Variants in KLF12 observed in about 807,000 individuals in gnomAD.
KLF12 encodes KLF transcription factor 12.
Under a neutral mutation model 37.8 loss-of-function variants are expected in KLF12, and 9 were observed. The observed-to-expected ratio is 0.24, with a 90% CI of 0.14 to 0.42. The LOEUF is 0.42. Ranked by LOEUF, KLF12 falls within the 10% of genes least tolerant of loss-of-function variation. The pLI is 1.00. For missense variants in KLF12, 411 were observed against 516.0 expected, an observed-to-expected ratio of 0.80 and a Z score of 1.97; for synonymous variants, 208 against 202.1, an observed-to-expected ratio of 1.03 and a Z score of -0.25.
At chr13:74,299,308 T>C in the KLF12 span, among the ~76,000 whole-genome samples, 1 of 152,196 alleles carries the variant, frequency 6.6e-6, no homozygotes, top group Non-Finnish European at 1.5e-5. Context: ...AGGAAGCCAC[T>C]GGGAAATTCT....
intron 3 of KLF12, among the ~76,000 whole-genome samples, chr13:73,892,718 T>C (rs1887566863): frequency 6.6e-6 from 1 of 152,162 alleles, no homozygotes; most frequent in Non-Finnish European, 1.5e-5. Context: ...ATCTAAGTTA[T>C]TCTTTTTAGT....
intron 5 of KLF12, among the ~76,000 whole-genome samples, chr13:73,807,796 C>T (rs1594114481): frequency 6.6e-6 from 1 of 152,182 alleles, no homozygotes; most frequent in East Asian, 1.9e-4. Context: ...CTCCACCTTT[C>T]ACCCCACTCT....
intron 1 of KLF12, among the ~76,000 whole-genome samples, chr13:74,126,139 A>G (rs750553098): frequency 6.6e-6 from 1 of 152,246 alleles, no homozygotes; most frequent in African/African-American, 2.4e-5. Flanking sequence ...ACTATACATG[A>G]CATATAAGTT....
chr13:74,196,896 TAA>T, the KLF12 span, among the ~76,000 whole-genome samples: 1 of 152,228 alleles, frequency 6.6e-6, no homozygotes, highest in African/African-American at 2.4e-5. Flanking sequence ...TCTTTTTTAT[TAA>T]GTTAGTTTAA....
the KLF12 span, among the ~76,000 whole-genome samples, chr13:74,161,787 T>A: frequency 6.6e-6 from 1 of 152,182 alleles, no homozygotes; most frequent in Non-Finnish European, 1.5e-5. Flanking sequence ...TTAATTTTCA[T>A]TCCGCCTCAA....
chr13:74,003,624 T>C lies in KLF12; in HGVS notation c.-31-8571A>G, dbSNP rs7320368. Reference sequence around the variant, plus strand: ...ATTTTATGAAAAAATGACTAAGAATTATGTCATGTTCCACACGATTCTTGA... The same window carrying C: ...ATTTTATGAAAAAATGACTAAGAATCATGTCATGTTCCACACGATTCTTGA... On this transcript the variant is annotated intron_variant, in intron 1 of 7. Transcript: ENST00000377669. Among the ~76,000 whole-genome samples, 278 of 152,244 alleles carry C rather than the reference T, an allele frequency of 1.8e-3. 2 individuals are homozygous for C. The highest frequency in any genetic ancestry group is 6.3e-3 in the African/African-American group (262 of 41,546).
chr13:74,053,091 G>A (rs1272502466), intron 1 of KLF12, among the ~76,000 whole-genome samples: 2 of 152,144 alleles, frequency 1.3e-5, no homozygotes, highest in Non-Finnish European at 2.9e-5. Context: ...CTGGTTGTAT[G>A]TTGATAATGA....
rs540290662 is a variant in KLF12 at position 74,061,811 on chromosome 13, CAT to C, written c.-31-66760_-31-66759del. Among the ~76,000 whole-genome samples, 71 of 152,288 alleles carry C rather than the reference CAT, an allele frequency of 4.7e-4. No homozygotes were observed. In the South Asian group the frequency reaches 0.015, roughly 31 times the overall value. On this transcript the variant is annotated intron_variant, in intron 1 of 7. Transcript: ENST00000377669. ...AAGTATTGTAGAAATCAAGGTCACACATGATTTTTATACCTTGACGTTATATG... is the reference window on the plus strand; with the variant it reads ...AAGTATTGTAGAAATCAAGGTCACACGATTTTTATACCTTGACGTTATATG...
intron 5 of KLF12, among the ~76,000 whole-genome samples, chr13:73,769,857 A>G (rs1033935200): frequency 4.6e-5 from 7 of 152,196 alleles, no homozygotes; most frequent in African/African-American, 1.7e-4. Context: ...ACTGAGAAGA[A>G]TGAGAATAAA....
At chr13:73,931,575 ACATC>A (rs1452509476) in intron 3 of KLF12, among the ~76,000 whole-genome samples, 1 of 152,188 alleles carries the variant, frequency 6.6e-6, no homozygotes, top group Non-Finnish European at 1.5e-5. Flanking sequence ...AACTGTCTCT[ACATC>A]TATCTTCTAA....
chr13:74,000,870 A>G (rs937054454), intron 1 of KLF12, among the ~76,000 whole-genome samples: 5 of 152,258 alleles, frequency 3.3e-5, no homozygotes, highest in African/African-American at 4.8e-5. Flanking sequence ...ATTGTACTCA[A>G]TATAATGGTT....
chr13:74,096,678 T>C (rs1159634460), intron 1 of KLF12, among the ~76,000 whole-genome samples: 1 of 152,166 alleles, frequency 6.6e-6, no homozygotes, highest in African/African-American at 2.4e-5. Flanking sequence ...TCATTTTCCT[T>C]TTATCCTTGG....
chr13:74,174,768 T>C, the KLF12 span, among the ~76,000 whole-genome samples: 1 of 152,256 alleles, frequency 6.6e-6, no homozygotes, highest in African/African-American at 2.4e-5. Flanking sequence ...TTGCTCATTT[T>C]AGTTTGTTAC....
intron 2 of KLF12, among the ~76,000 whole-genome samples, chr13:73,948,136 A>G (rs1890510820): frequency 1.3e-5 from 2 of 152,198 alleles, no homozygotes; most frequent in South Asian, 4.1e-4. Context: ...CCCCTGCCCC[A>G]CATCTACATT....
the KLF12 span, among the ~76,000 whole-genome samples, chr13:74,151,053 G>T: frequency 2.6e-5 from 4 of 152,192 alleles, no homozygotes; most frequent in Non-Finnish European, 2.9e-5. Context: ...AAATAGTGGT[G>T]CTCTGTCCCT....
intron 6 of KLF12, among the ~76,000 whole-genome samples, chr13:73,728,194 T>C (rs925922474): frequency 8.5e-5 from 13 of 152,254 alleles, no homozygotes; most frequent in African/African-American, 2.9e-4. Context: ...AATATGTTCA[T>C]AGGTATTTTC....
At chr13:74,209,522 T>TCACACACACACA in the KLF12 span, among the ~76,000 whole-genome samples, 74 of 145,992 alleles carry the variant, frequency 5.1e-4, 1 homozygote, top group African/African-American at 1.2e-3. Context: ...AACATCTTAG[T>TCACACACACACA]CACACACACA....
At chr13:74,215,623 T>C in the KLF12 span, among the ~76,000 whole-genome samples, 2 of 152,192 alleles carry the variant, frequency 1.3e-5, no homozygotes, top group African/African-American at 2.4e-5. Flanking sequence ...TGCCACCTGA[T>C]GGCCTTTCTT....
chr13:73,770,031 A>T (rs947483051), intron 5 of KLF12, among the ~76,000 whole-genome samples: 1 of 152,206 alleles, frequency 6.6e-6, no homozygotes, highest in Non-Finnish European at 1.5e-5. Context: ...AATTAGGTTA[A>T]TGATTAAATG....
Sources: allele counts gnomAD v4.1 joint callset (sites outside exome capture counted in the v4.1 genomes callset), GRCh38; gene constraint gnomAD v4.1.1; transcripts MANE v1.5; gene names NCBI Gene and HGNC (gene_info 2026-07-23, HGNC 2026-07-21).